The following PCBP3 variants were observed in gnomAD, a reference collection of about 807,000 sequenced individuals.
PCBP3 encodes the protein poly(rC) binding protein 3.
In PCBP3, 25 loss-of-function variants were observed where a neutral mutation model predicts 52.7. That is an observed-to-expected ratio of 0.47 (90% CI 0.35 to 0.66). PCBP3 has a LOEUF of 0.66. Ranked by LOEUF, PCBP3 falls within the 30% of genes least tolerant of loss-of-function variation. The pLI, the probability that PCBP3 is intolerant of heterozygous loss-of-function variation, is 0.01. For missense variants in PCBP3, 391 were observed against 490.3 expected (o/e 0.80, Z 1.91); for synonymous variants, 162 against 183.0 (o/e 0.89, Z 0.93).
chr21:45,896,270 C>G lies in PCBP3; in HGVS notation c.73C>G (p.Pro25Ala). ...CACCCTCAGCACCTTAAGCCACCAC[C>G]CTCAGCCACAATTTGGCAGAAGGAT... ...HSTLSTLSHH[P>A]QPQFGRRMES... is the part of the protein sequence containing the mutation. Residue 25 changes from proline (P) to alanine (A), a missense_variant, in exon 6 of 18, where the codon CCT becomes GCT. Transcript: ENST00000681687. The G allele has an allele frequency of 6.4e-7, 1 of 1,552,244 alleles. No individual in the cohort carries two copies. Among genetic ancestry groups the G allele is most frequent in the Non-Finnish European group, 8.7e-7 (1 of 1,147,102 alleles).
chr21:45,871,808 G>A (rs1037594229), intron 5 of PCBP3: 1 of 152,270 alleles, frequency 6.6e-6, no homozygotes, highest in Non-Finnish European at 1.5e-5. Context: ...TCCATGGAGG[G>A]AAGGTGGCTT....
At chr21:45,867,418 A>G (rs3788218) in intron 5 of PCBP3, among the ~76,000 whole-genome samples, 118,107 of 151,960 alleles carry the variant, frequency 0.78, 46,453 homozygotes, top group East Asian at 1. Flanking sequence ...ACAGGACCTG[A>G]CACGGGCGTG....
chr21:45,932,855 G>A lies in PCBP3; in HGVS notation c.856+2010G>A, dbSNP rs539700400. On this transcript the variant is annotated intron_variant, in intron 15 of 17. Transcript: ENST00000681687. Reference sequence around the variant, plus strand: ...GATGAACGAACACCTGGGCCTTGCCGTCCTGAGATGGATGGACACCTGGTC... The same window carrying A: ...GATGAACGAACACCTGGGCCTTGCCATCCTGAGATGGATGGACACCTGGTC... Among the ~76,000 whole-genome samples, 320 of 151,642 alleles carry A rather than the reference G, an allele frequency of 2.1e-3. 2 individuals carry two copies. Among genetic ancestry groups the A allele is most frequent in the African/African-American group, 7.3e-3 (302 of 41,282 alleles).
intron 4 of PCBP3, among the ~76,000 whole-genome samples, chr21:45,764,342 G>A (rs1473783594): frequency 2.0e-5 from 3 of 152,058 alleles, no homozygotes; most frequent in Non-Finnish European, 2.9e-5. Context: ...GGCTGGTCTC[G>A]AACTCCCGAC....
intron 15 of PCBP3, among the ~76,000 whole-genome samples, chr21:45,934,450 G>A (rs904677512): frequency 5.9e-5 from 9 of 152,210 alleles, no homozygotes. Flanking sequence ...GGTACTAAGT[G>A]GAGATTTGTA....
rs747388604 is a variant in PCBP3 at position 45,800,966 on chromosome 21, G to A, written c.-126+45514G>A. On this transcript the variant is annotated intron_variant, in intron 4 of 17. Transcript: ENST00000681687. This position sits in a 1 kb window ranked among gnomAD's most constrained non-coding sequence, Gnocchi z 5.3. ...GGGGTTCCCGCCTCCTCCAGGACTT[G>A]TTGCCCGTTCTGCGTGGCCACCCGT... Among the ~76,000 whole-genome samples, 14 of 152,228 alleles carry A rather than the reference G, an allele frequency of 9.2e-5. No homozygotes were observed. The highest frequency in any genetic ancestry group is 1.8e-4 in the Non-Finnish European group (12 of 68,038).
intron 2 of PCBP3, among the ~76,000 whole-genome samples, chr21:45,688,483 C>A (rs190958412): frequency 1.3e-5 from 2 of 151,938 alleles, no homozygotes; most frequent in Non-Finnish European, 2.9e-5. Context: ...GCAGTGGTTA[C>A]GTAGAAGTGT....
chr21:45,900,751 G>A (rs1339532672), intron 8 of PCBP3, 128 bp downstream of exon 8: 13 of 782,194 alleles, frequency 1.7e-5, no homozygotes, highest in South Asian at 6.3e-5. Context: ...AGTGCAGTGC[G>A]GGGCCTCTTT....
intron 4 of PCBP3, among the ~76,000 whole-genome samples, chr21:45,766,334 C>T (rs546565523): frequency 8.5e-5 from 13 of 152,280 alleles, no homozygotes; most frequent in African/African-American, 3.1e-4. Flanking sequence ...CTTTTGGAGT[C>T]GGGGCCCTTG....
At chr21:45,768,894 G>A (rs956320846) in intron 4 of PCBP3, among the ~76,000 whole-genome samples, 1 of 152,230 alleles carries the variant, frequency 6.6e-6, no homozygotes, top group Non-Finnish European at 1.5e-5. Flanking sequence ...ACCTCTGCCT[G>A]TTCCGTCTGA....
At chr21:45,855,828 G>A (rs1302701255) in intron 5 of PCBP3, among the ~76,000 whole-genome samples, 1 of 152,236 alleles carries the variant, frequency 6.6e-6, no homozygotes, top group Non-Finnish European at 1.5e-5. Flanking sequence ...TCCTGCCAGG[G>A]AAGTTGCTCG....
intron 5 of PCBP3, among the ~76,000 whole-genome samples, chr21:45,857,849 T>C (rs571676247): frequency 1.1e-3 from 162 of 152,324 alleles, no homozygotes; most frequent in African/African-American, 3.7e-3. Flanking sequence ...CTGCCACTCT[T>C]GGACCCATGA....
chr21:45,935,425 A>G (rs747353901), intron 16 of PCBP3, 120 bp downstream of exon 16: 1 of 735,198 alleles, frequency 1.4e-6, no homozygotes, highest in Non-Finnish European at 2.5e-6. Context: ...CACCACCCCA[A>G]CCCCACTGTT....
In PCBP3 at chr21:45,901,000, G is replaced by T. The variant is rs758179341; in HGVS notation, c.226G>T (p.Gly76Cys). Reference sequence around the variant, plus strand: ...GGTTTCTCTGCTCTCACCTTAGAGTGGTGCAAGGATCAACATCTCAGAGGG... The same window carrying T: ...GGTTTCTCTGCTCTCACCTTAGAGTTGTGCAAGGATCAACATCTCAGAGGG... Reference protein sequence around the residue: ...ETVKKMREESGARINISEGNC... With the variant: ...ETVKKMREESCARINISEGNC... Residue 76 changes from glycine (G) to cysteine (C), a missense_variant, in exon 9 of 18, where the codon GGT (glycine) becomes TGT (cysteine). Transcript: ENST00000681687. The T allele has an allele frequency of 6.2e-7, 1 of 1,611,224 alleles. No homozygotes were observed. Among genetic ancestry groups the T allele is most frequent in the Non-Finnish European group, 8.5e-7 (1 of 1,177,414 alleles).
At chr21:45,940,406 C>A (rs947682939) in intron 17 of PCBP3, among the ~76,000 whole-genome samples, 5 of 152,152 alleles carry the variant, frequency 3.3e-5, no homozygotes, top group African/African-American at 1.2e-4. Context: ...CCTCACTCTC[C>A]CGACCTCCCA....
At chr21:45,911,775 C>T (rs1482802767) in intron 11 of PCBP3, among the ~76,000 whole-genome samples, 1 of 152,246 alleles carries the variant, frequency 6.6e-6, no homozygotes. Flanking sequence ...CTCTCTCGTA[C>T]TTGGCTTGGG....
At chr21:45,764,869 G>A (rs1383252777) in intron 4 of PCBP3, among the ~76,000 whole-genome samples, 4 of 152,208 alleles carry the variant, frequency 2.6e-5, no homozygotes, top group African/African-American at 7.2e-5. Context: ...TCCTGGGAAC[G>A]GGCTGGGGCT....
chr21:45,784,659 C>T lies in PCBP3; in HGVS notation c.-126+29207C>T, dbSNP rs950143352. On this transcript the variant is annotated intron_variant, in intron 4 of 17. Coordinates refer to ENST00000681687, the MANE Select transcript of PCBP3 (RefSeq NM_001384156.1). ...TATTTTTTGGGTGGAGACGGGGTTTCGCTGTGTTGGCCAGGCTGGTCTCCA... is the reference window on the plus strand; with the variant it reads ...TATTTTTTGGGTGGAGACGGGGTTTTGCTGTGTTGGCCAGGCTGGTCTCCA... 3.9e-5 allele frequency among the ~76,000 whole-genome samples: 6 copies of T among 152,362 alleles called. No individual in the cohort carries two copies. The East Asian group carries it at 5.8e-4, about 15-fold the overall frequency.
Position 45,930,832 on chromosome 21 carries a change from G to A in PCBP3, c.843G>A (p.Met281Ile), listed in dbSNP as rs759588802. 1.2e-6 allele frequency: 2 copies of A among 1,605,740 alleles called. No individual in the cohort carries two copies. Among genetic ancestry groups the A allele is most frequent in the Admixed American group, 1.7e-5 (1 of 60,010 alleles). ...LHSSEEAQNL[M>I]GQSSGLDASP... ...CCTCCGAAGAAGCTCAAAATCTGATGGGCCAGTCATCAGGTAACACAAAGC... is the reference window on the plus strand; with the variant it reads ...CCTCCGAAGAAGCTCAAAATCTGATAGGCCAGTCATCAGGTAACACAAAGC... The change falls in exon 15 of 18, where the codon ATG (methionine) becomes ATA (isoleucine). Residue 281 changes from methionine (M) to isoleucine (I), a missense_variant. Met to Ile is a conservative substitution (Grantham distance 10). Coordinates refer to ENST00000681687, the MANE Select transcript of PCBP3 (RefSeq NM_001384156.1).
Sources: allele counts gnomAD v4.1 joint callset (sites outside exome capture counted in the v4.1 genomes callset), GRCh38; gene constraint gnomAD v4.1.1; non-coding constraint Gnocchi (gnomAD v3.1); transcripts MANE v1.5; gene names NCBI Gene and HGNC (gene_info 2026-07-23, HGNC 2026-07-21).